Variants in TNRC6A observed in about 807,000 individuals in gnomAD.
TNRC6A encodes the protein trinucleotide repeat-containing gene 6A protein.
In TNRC6A, 44 loss-of-function variants were observed where a neutral mutation model predicts 221.2. That is an observed-to-expected ratio of 0.20 (90% CI 0.16 to 0.26). The LOEUF (loss-of-function observed/expected upper bound fraction) is 0.26, where lower values mean the gene tolerates loss of function less well. TNRC6A is among the 10% of genes least tolerant of loss of function. The pLI is 1.00. For missense variants in TNRC6A, 2,199 were observed against 2,404.4 expected, an observed-to-expected ratio of 0.91 and a Z score of 1.79; for synonymous variants, 847 against 838.5, an observed-to-expected ratio of 1.01 and a Z score of -0.18.
At position 24,823,995 on chromosome 16, in the gene TNRC6A, A is replaced by C; in HGVS notation, c.*188A>C. ...ATGCAGGCCAATATTATAATGTGAA[A>C]AGGTATCTACTCTATTTACACTCCC... On this transcript the variant is annotated 3_prime_UTR_variant, in exon 25 of 25. Coordinates refer to ENST00000395799, the MANE Select transcript of TNRC6A (RefSeq NM_014494.4). This position sits in a 1 kb window ranked among gnomAD's most constrained non-coding sequence, Gnocchi z 4.3. 1 of 466,562 alleles carries C rather than the reference A, an allele frequency of 2.1e-6. No homozygotes were observed. Among genetic ancestry groups the C allele is most frequent in the Non-Finnish European group, 3.5e-6 (1 of 287,336 alleles). 28.9% of individuals were successfully genotyped at this position (466,562 alleles called of 1,614,324 possible). A position where few individuals can be genotyped will look rare whatever the true frequency, so the allele number is the denominator to read the frequency against.
At chr16:24,705,902 C>A (rs2056084793) in intron 2 of TNRC6A, among the ~76,000 whole-genome samples, 1 of 152,058 alleles carries the variant, frequency 6.6e-6, no homozygotes. Flanking sequence ...AAAGTGGAGA[C>A]AACATAATGA....
rs777514695 is a variant in TNRC6A, at chr16:24,797,969, AAG to A, written c.3694+7_3694+8del. ...CAATAAGATGGACCTTTCTGGAGGT[AAG>A]AGAAAATTAAATCTGTTTATATTCC... is the stretch of plus-strand genomic sequence containing the variant. On this transcript the variant is annotated splice_donor_5th_base_variant and intron_variant, in intron 11 of 24. Transcript: ENST00000395799. The A allele has an allele frequency of 2.9e-5, 46 of 1,609,926 alleles. No individual in the cohort carries two copies. Among genetic ancestry groups the A allele is most frequent in the South Asian group, 1.9e-4 (17 of 89,932 alleles).
intron 4 of TNRC6A, among the ~76,000 whole-genome samples, chr16:24,763,893 T>C (rs1402907987): frequency 3.3e-5 from 5 of 152,248 alleles, no homozygotes; most frequent in Non-Finnish European, 1.5e-5. Flanking sequence ...AACATAATGT[T>C]TTGGTATGCA....
Position 24,617,090 on chromosome 16 carries a change from A to C in TNRC6A, n.276+6606A>C, listed in dbSNP as rs145200504. 2.8e-3 allele frequency among the ~76,000 whole-genome samples: 420 copies of C among 151,800 alleles called. 3 individuals are homozygous for C. Among genetic ancestry groups the C allele is most frequent in the African/African-American group, 9.6e-3 (397 of 41,394 alleles). ...TGTGCCAAAATCTTTAACTGTAATT[A>C]TAGATTTATCTATTAGTTTTTTTGA... On this transcript the variant is annotated intron_variant and non_coding_transcript_variant, in intron 1 of 2. Transcript: ENST00000566108.
intron 18 of TNRC6A, among the ~76,000 whole-genome samples, chr16:24,812,081 C>T (rs1015779955): frequency 2.0e-4 from 20 of 102,148 alleles, no homozygotes; most frequent in African/African-American, 6.9e-4. Flanking sequence ...CAGAGTCTCA[C>T]TCGGTCACCC....
Position 24,704,678 on chromosome 16 carries a change from A to AAG in TNRC6A, n.403-46047_403-46046insGA, listed in dbSNP as rs1261665547. ...AGACTCCGTCTCAAAAAAAAAAAAA[A>AAG]AAAAAAAAAAAAAAAAGAAAGAAAA... On this transcript the variant is annotated intron_variant and non_coding_transcript_variant, in intron 2 of 2. Transcript: ENST00000566108. Among the ~76,000 whole-genome samples, 385 of 148,722 alleles carry AAG rather than the reference A, an allele frequency of 2.6e-3. 1 individual carries two copies. Among genetic ancestry groups the AAG allele is most frequent in the Non-Finnish European group, 4.5e-3 (299 of 66,622 alleles).
intron 17 of TNRC6A, among the ~76,000 whole-genome samples, 189 bp from the exon 18 acceptor site, chr16:24,809,161 C>T (rs944746141): frequency 3.9e-5 from 6 of 151,988 alleles, no homozygotes; most frequent in African/African-American, 1.5e-4. Flanking sequence ...CTTATTTTGC[C>T]AAGGAGTTTT....
intron 1 of TNRC6A, among the ~76,000 whole-genome samples, chr16:24,620,955 G>A (rs1900638371): frequency 6.6e-6 from 1 of 151,490 alleles, no homozygotes; most frequent in Non-Finnish European, 1.5e-5. Flanking sequence ...ATGGTGGTGG[G>A]TGCCTGTAGT....
chr16:24,658,030 G>A (rs543652002), intron 2 of TNRC6A, among the ~76,000 whole-genome samples: 1 of 152,140 alleles, frequency 6.6e-6, no homozygotes, highest in Non-Finnish European at 1.5e-5. Context: ...ATGTGGCTTT[G>A]ACAAAAAGTA....
At chr16:24,726,752 G>A (rs2056499400), upstream of TNRC6A, among the ~76,000 whole-genome samples, 1 of 152,156 alleles carries the variant, frequency 6.6e-6, no homozygotes, top group African/African-American at 2.4e-5. Flanking sequence ...AAAGTTACTA[G>A]AGTTTGTGTG....
intron 2 of TNRC6A, among the ~76,000 whole-genome samples, chr16:24,708,677 G>A (rs1413521560): frequency 6.6e-6 from 1 of 151,994 alleles, no homozygotes; most frequent in Non-Finnish European, 1.5e-5. Context: ...AGTCCCCAGA[G>A]TCCATTATAT....
intron 2 of TNRC6A, among the ~76,000 whole-genome samples, chr16:24,691,708 C>T (rs147843221): frequency 0.029 from 4,452 of 151,496 alleles, 235 homozygotes; most frequent in African/African-American, 0.1. Context: ...GCAGAAGTTG[C>T]AGTGAGCTGA....
At chr16:24,733,339 TC>T (rs2056688101) in intron 2 of TNRC6A, among the ~76,000 whole-genome samples, 1 of 152,348 alleles carries the variant, frequency 6.6e-6, no homozygotes, top group Admixed American at 6.5e-5. Flanking sequence ...AAGCTGCAAA[TC>T]CTCAAGACAG....
At chr16:24,627,518 T>C (rs1901084399) in intron 1 of TNRC6A, among the ~76,000 whole-genome samples, 1 of 151,984 alleles carries the variant, frequency 6.6e-6, no homozygotes. Flanking sequence ...AATATTTGTT[T>C]ACTCTGATCT....
At chr16:24,620,029 C>A (rs1900582671) in intron 1 of TNRC6A, among the ~76,000 whole-genome samples, 1 of 151,954 alleles carries the variant, frequency 6.6e-6, no homozygotes, top group Admixed American at 6.6e-5. Flanking sequence ...GTAGTGCCAG[C>A]TTCTTGGGAG....
At chr16:24,773,572 C>T (rs1383137814) in intron 4 of TNRC6A, among the ~76,000 whole-genome samples, 1 of 152,182 alleles carries the variant, frequency 6.6e-6, no homozygotes, top group African/African-American at 2.4e-5. Context: ...GCATGTTAAC[C>T]TATGATTGTT....
At chr16:24,630,904 C>T (rs1226420254) in intron 1 of TNRC6A, among the ~76,000 whole-genome samples, 1 of 152,146 alleles carries the variant, frequency 6.6e-6, no homozygotes, top group Non-Finnish European at 1.5e-5. Context: ...TGGTATGTGC[C>T]TCTCTATACC....
chr16:24,818,842 C>G, intron 21 of TNRC6A, 142 bp downstream of exon 21: 1 of 694,878 alleles, frequency 1.4e-6, no homozygotes, highest in Admixed American at 2.3e-5. Flanking sequence ...TTTTTAACAT[C>G]CCTTACTCCT....
chr16:24,769,680 G>T (rs2057550113), intron 4 of TNRC6A, among the ~76,000 whole-genome samples: 1 of 152,128 alleles, frequency 6.6e-6, no homozygotes, highest in South Asian at 2.1e-4. Context: ...TTAGAGCAGA[G>T]ATTTATTTAA....
Sources: allele counts gnomAD v4.1 joint callset (sites outside exome capture counted in the v4.1 genomes callset), GRCh38; gene constraint gnomAD v4.1.1; non-coding constraint Gnocchi (gnomAD v3.1); transcripts MANE v1.5; gene names NCBI Gene and HGNC (gene_info 2026-07-23, HGNC 2026-07-21).